CC2D2B: variants seen among roughly 807,000 people sequenced by gnomAD.
The protein encoded by CC2D2B is protein CC2D2B.
A neutral mutation model predicts 161.2 loss-of-function variants in CC2D2B; 128 were observed. The observed-to-expected ratio is 0.79, with a 90% CI of 0.69 to 0.92. The LOEUF is 0.92. Ranked by LOEUF, CC2D2B falls within the 40% of genes least tolerant of loss-of-function variation. The pLI is 0.00. For synonymous variants in CC2D2B, 391 were observed against 449.8 expected, an observed-to-expected ratio of 0.87 and a Z score of 1.65; for missense variants, 1,173 against 1,375.1, an observed-to-expected ratio of 0.85 and a Z score of 2.32.
Position 96,027,222 on chromosome 10 carries a change from A to G in CC2D2B, c.3958A>G (p.Thr1320Ala). 6.5e-7 allele frequency: 1 copy of G among 1,539,816 alleles called. No individual in the cohort carries two copies. The highest frequency in any genetic ancestry group is 8.8e-7 in the Non-Finnish European group (1 of 1,141,686). The change falls in exon 34 of 35, where the codon ACT becomes GCT. Residue 1320 changes from threonine to alanine, a missense_variant. Physicochemically the swap from Thr to Ala is moderately conservative, Grantham distance 58. Transcript: ENST00000646931. ...VEDLRNRIER[T>A]LKSKVMEWRP... is the part of the protein sequence containing the mutation. ...GGATTCTTACCTTAGGATCGAAAGG[A>G]CTCTGAAGAGTAAAGTGATGGAATG...
intron 9 of CC2D2B, among the ~76,000 whole-genome samples, chr10:95,944,648 A>G (rs745515550): frequency 1.3e-5 from 2 of 152,232 alleles, no homozygotes; most frequent in Admixed American, 1.3e-4. Context: ...AAGTAAATGC[A>G]TAATTTACAA....
chr10:95,989,380 T>C (rs11819195), intron 20 of CC2D2B, among the ~76,000 whole-genome samples: 1 of 152,348 alleles, frequency 6.6e-6, no homozygotes, highest in Non-Finnish European at 1.5e-5. Flanking sequence ...GACTGTGAGA[T>C]GGAATGTGGA....
At chr10:96,021,497 G>A (rs2079457796) in intron 32 of CC2D2B, 1 of 152,248 alleles carries the variant, frequency 6.6e-6, no homozygotes, top group Non-Finnish European at 1.5e-5. Context: ...CATGCCAGGA[G>A]CTTTGAAGGT....
At chr10:95,933,184 C>G (rs373200150) in intron 6 of CC2D2B, among the ~76,000 whole-genome samples, 1 of 151,850 alleles carries the variant, frequency 6.6e-6, no homozygotes, top group Admixed American at 6.6e-5. Context: ...GCTGTTGGTA[C>G]TTTTGTATGC....
intron 12 of CC2D2B, among the ~76,000 whole-genome samples, chr10:95,964,841 A>G (rs1236203361): frequency 6.6e-6 from 1 of 152,192 alleles, no homozygotes; most frequent in Non-Finnish European, 1.5e-5. Flanking sequence ...TCTCCAGTTC[A>G]GTGGTTTTTA....
chr10:95,961,127 T>C (rs541726572), intron 11 of CC2D2B, among the ~76,000 whole-genome samples: 1 of 152,322 alleles, frequency 6.6e-6, no homozygotes, highest in South Asian at 2.1e-4. Context: ...AACTAAATCC[T>C]GAATAGATAG....
intron 22 of CC2D2B, among the ~76,000 whole-genome samples, chr10:95,993,930 GT>G (rs2078090142): frequency 1.8e-4 from 1 of 5,626 alleles, no homozygotes; most frequent in Non-Finnish European, 3.3e-4. Context: ...GTGTGTGTGT[GT>G]GTGTGTGTGT....
At chr10:95,983,447 A>ATTTTG (rs71034355) in intron 18 of CC2D2B, among the ~76,000 whole-genome samples, 159 bp from the exon 19 acceptor site, 3 of 151,270 alleles carry the variant, frequency 2.0e-5, no homozygotes, top group East Asian at 3.9e-4. Context: ...GCTGGATTCT[A>ATTTTG]TTTTGTTTTG....
intron 13 of CC2D2B, 88 bp from the exon 14 acceptor site, chr10:95,966,102 C>A (rs1045630918): frequency 3.3e-5 from 23 of 697,340 alleles, no homozygotes; most frequent in Non-Finnish European, 4.0e-5. Context: ...AACAAACTGA[C>A]AAATACAAGA....
intron 10 of CC2D2B, among the ~76,000 whole-genome samples, chr10:95,951,115 G>A (rs747703857): frequency 2.6e-5 from 4 of 151,004 alleles, no homozygotes; most frequent in Admixed American, 2.6e-4. Context: ...CACCATGCCC[G>A]GCTAATATGT....
intron 34 of CC2D2B, among the ~76,000 whole-genome samples, chr10:96,028,963 C>T (rs183447932): frequency 2.0e-5 from 3 of 151,750 alleles, no homozygotes; most frequent in Non-Finnish European, 4.4e-5. Context: ...TAGAAGCTTA[C>T]CAGAGGCTGG....
At chr10:95,962,436 T>C (rs550952907) in intron 12 of CC2D2B, among the ~76,000 whole-genome samples, 86 of 152,290 alleles carry the variant, frequency 5.6e-4, no homozygotes, top group African/African-American at 1.9e-3. Context: ...TAGAAACTTA[T>C]TCATTGCTGA....
At position 96,031,296 on chromosome 10, in the gene CC2D2B, G is replaced by A. The variant is rs536410965; in HGVS notation, c.4126-524G>A. Among the ~76,000 whole-genome samples the A allele has an allele frequency of 4.6e-5, 7 of 152,142 alleles. No homozygotes were observed. The East Asian group carries it at 1.4e-3, about 29-fold the overall frequency. On this transcript the variant is annotated intron_variant, in intron 34 of 34. Coordinates refer to ENST00000646931, the MANE Select transcript of CC2D2B (RefSeq NM_001349008.3). ...GGAAGAGCGTGTGAACAGATTTAAG[G>A]ATCAGGAAAATCCTCCTGAGCTAAG...
intron 33 of CC2D2B, 89 bp from the exon 34 acceptor site, chr10:96,027,123 C>CAA (rs372010486): frequency 1.8e-3 from 1,361 of 774,666 alleles, no homozygotes; most frequent in Non-Finnish European, 2.0e-3. Context: ...GACTTCGTCT[C>CAA]AAAAAAAAAA....
At chr10:95,970,496 A>T (rs1243580697) in intron 15 of CC2D2B, among the ~76,000 whole-genome samples, 1 of 152,144 alleles carries the variant, frequency 6.6e-6, no homozygotes, top group African/African-American at 2.4e-5. Flanking sequence ...CACTTTTAAG[A>T]TGCTCAATCT....
chr10:95,913,881 C>T (rs750773278), intron 2 of CC2D2B, among the ~76,000 whole-genome samples: 1 of 152,124 alleles, frequency 6.6e-6, no homozygotes, highest in Non-Finnish European at 1.5e-5. Flanking sequence ...TAATCAGATA[C>T]ATAGTTTGCA....
At chr10:96,011,750 CAT>C (rs905040069) in intron 26 of CC2D2B, among the ~76,000 whole-genome samples, 1 of 119,916 alleles carries the variant, frequency 8.3e-6, no homozygotes, top group African/African-American at 2.9e-5. Flanking sequence ...CGCACACACA[CAT>C]ACACACACAC....
At chr10:95,931,311 G>A (rs547725538) in intron 6 of CC2D2B, among the ~76,000 whole-genome samples, 1 of 151,572 alleles carries the variant, frequency 6.6e-6, no homozygotes, top group Non-Finnish European at 1.5e-5. Flanking sequence ...GGTCTATTTT[G>A]TTAATCTTTT....
At chr10:95,947,146 T>G (rs2076248582) in intron 9 of CC2D2B, among the ~76,000 whole-genome samples, 1 of 118,544 alleles carries the variant, frequency 8.4e-6, no homozygotes, top group African/African-American at 3.1e-5. Flanking sequence ...AAAGTATTGC[T>G]CTGTCACCCA....
Sources: gnomAD v4.1 joint callset for allele counts (sites outside exome capture counted in the v4.1 genomes callset) on GRCh38, gnomAD v4.1.1 for gene constraint, MANE v1.5 for transcripts, NCBI Gene and HGNC (gene_info 2026-07-23, HGNC 2026-07-21) for gene names.